Variants in SIPA1L3 observed in about 807,000 individuals in gnomAD.
SIPA1L3 encodes signal-induced proliferation-associated 1-like protein 3.
A neutral mutation model predicts 150.1 loss-of-function variants in SIPA1L3; 59 were observed. The ratio of observed to expected loss-of-function variants is 0.39; its 90% CI spans 0.32 to 0.49. The LOEUF (loss-of-function observed/expected upper bound fraction) is 0.49. Ranked by LOEUF, SIPA1L3 falls within the 20% of genes least tolerant of loss-of-function variation. SIPA1L3 has a pLI of 0.86. For missense variants in SIPA1L3, 2,211 were observed against 2,489.5 expected (o/e 0.89, Z 2.38); for synonymous variants, 1,070 against 1,077.6 (o/e 0.99, Z 0.14).
chr19:38,165,003 A>G, intron 15 of SIPA1L3, 97 bp downstream of exon 15: 1 of 884,688 alleles, frequency 1.1e-6, no homozygotes, highest in Non-Finnish European at 1.6e-6. Flanking sequence ...CCAGAAACAC[A>G]CTCACGGATG....
chr19:38,184,233 C>T (rs1417131128), intron 16 of SIPA1L3: 1 of 152,048 alleles, frequency 6.6e-6, no homozygotes, highest in African/African-American at 2.4e-5. Context: ...GGCTGGAGTA[C>T]AATGACGTGA....
chr19:38,099,337 C>CTT (rs11434268), intron 4 of SIPA1L3, among the ~76,000 whole-genome samples: 14,129 of 145,464 alleles, frequency 0.097, 2,298 homozygotes, highest in African/African-American at 0.33. Context: ...CACGCCTGGC[C>CTT]TTTTTTTTTT....
intron 1 of SIPA1L3, among the ~76,000 whole-genome samples, chr19:37,973,423 C>A (rs184182420): frequency 2.0e-5 from 3 of 149,252 alleles, no homozygotes; most frequent in Admixed American, 6.8e-5. Context: ...TTAGTAGAGA[C>A]GGGGTTTCAC....
intron 1 of SIPA1L3, among the ~76,000 whole-genome samples, chr19:37,941,087 T>TACACACACAC (rs59368800): frequency 0.017 from 2,250 of 128,624 alleles, 36 homozygotes; most frequent in Middle Eastern, 0.043. Context: ...CACACACACA[T>TACACACACAC]ACACACACAC....
rs529076983 is a variant in SIPA1L3 at position 38,058,290 on chromosome 19, A to T, written c.-310-22966A>T. 4.6e-5 allele frequency among the ~76,000 whole-genome samples: 7 copies of T among 152,178 alleles called. No homozygotes were observed. The East Asian group carries it at 1.4e-3, about 29-fold the overall frequency. On this transcript the variant is annotated intron_variant, in intron 2 of 21. Coordinates refer to ENST00000222345, the MANE Select transcript of SIPA1L3 (RefSeq NM_015073.3). ...CACATCCAGCGAGGGTCATAACTAGAGCCTTTCTAGAGCCTTCTGTGGTGC... is the reference window on the plus strand; with the variant it reads ...CACATCCAGCGAGGGTCATAACTAGTGCCTTTCTAGAGCCTTCTGTGGTGC...
At chr19:38,182,447 C>G (rs1194252280) in intron 15 of SIPA1L3, 72 bp from the exon 16 acceptor site, 2 of 1,164,478 alleles carry the variant, frequency 1.7e-6, no homozygotes, top group Non-Finnish European at 2.5e-6. Flanking sequence ...CAAGAGTAAA[C>G]TTCAATAGCT....
chr19:38,027,172 AC>A (rs1478093685), intron 1 of SIPA1L3, among the ~76,000 whole-genome samples: 1 of 152,030 alleles, frequency 6.6e-6, no homozygotes, highest in Non-Finnish European at 1.5e-5. Context: ...GTACCTGTAA[AC>A]CCAGCTACTC....
chr19:37,982,194 G>T (rs1268922740), intron 1 of SIPA1L3, among the ~76,000 whole-genome samples: 3 of 152,228 alleles, frequency 2.0e-5, no homozygotes, highest in African/African-American at 7.2e-5. Context: ...CGAGAGGCAG[G>T]CTCTGGGAAC....
chr19:38,068,546 C>G (rs1350441260), intron 2 of SIPA1L3, among the ~76,000 whole-genome samples: 1 of 152,126 alleles, frequency 6.6e-6, no homozygotes, highest in Non-Finnish European at 1.5e-5. Flanking sequence ...TTTGCCTCAT[C>G]TGTAAGATGG....
intron 1 of SIPA1L3, among the ~76,000 whole-genome samples, chr19:37,952,627 C>T (rs761991589): frequency 1.5e-4 from 23 of 152,088 alleles, no homozygotes; most frequent in Middle Eastern, 6.8e-3. Context: ...GAGCCAAGAT[C>T]GTGCCATTGC....
chr19:38,024,996 C>T (rs918823163), intron 1 of SIPA1L3, among the ~76,000 whole-genome samples: 4 of 152,186 alleles, frequency 2.6e-5, no homozygotes, highest in African/African-American at 9.7e-5. Context: ...CTCTGCCTTT[C>T]TCAGGTTTAA....
At chr19:38,144,334 G>A (rs1031762274) in intron 12 of SIPA1L3, among the ~76,000 whole-genome samples, 4 of 152,232 alleles carry the variant, frequency 2.6e-5, no homozygotes, top group African/African-American at 4.8e-5. Flanking sequence ...TACACAGTCC[G>A]ACACATGGCT....
chr19:38,073,346 C>A (rs1386002161), intron 2 of SIPA1L3, among the ~76,000 whole-genome samples: 5 of 152,184 alleles, frequency 3.3e-5, no homozygotes, highest in Admixed American at 1.3e-4. Context: ...TCCCACCAGG[C>A]CTGGAGCCGC....
At chr19:38,134,691 C>A (rs1033167772) in intron 10 of SIPA1L3, among the ~76,000 whole-genome samples, 8 of 116,782 alleles carry the variant, frequency 6.9e-5, no homozygotes, top group Admixed American at 1.2e-4. Context: ...GATGACAGAG[C>A]GAGACTCTGT....
chr19:37,918,218 C>T (rs1005999938), intron 1 of SIPA1L3, among the ~76,000 whole-genome samples: 28 of 151,718 alleles, frequency 1.8e-4, no homozygotes, highest in African/African-American at 6.5e-4. Context: ...AAGGAAAGGT[C>T]TTGGCGTGTT....
At position 38,082,323 on chromosome 19, in the gene SIPA1L3, G is replaced by A. The variant is rs775233015; in HGVS notation, c.758G>A (p.Gly253Asp). Residue 253 changes from glycine to aspartate, a missense_variant, in exon 3 of 22, where the codon GGC becomes GAC. Transcript: ENST00000222345. ...RADPGPHLMG[G>D]GGGAKGDSHN... is the part of the protein sequence containing the mutation. ...GATCCTGGCCCACACCTCATGGGGG[G>A]CGGCGGCGGAGCCAAGGGGGACTCC... is the stretch of plus-strand genomic sequence containing the variant. 1 of 1,598,690 alleles carries A rather than the reference G, an allele frequency of 6.3e-7. No individual in the cohort carries two copies. The highest frequency in any genetic ancestry group is 1.1e-5 in the South Asian group (1 of 90,920).
chr19:38,149,054 T>C (rs1182724495), intron 12 of SIPA1L3, among the ~76,000 whole-genome samples: 2 of 152,162 alleles, frequency 1.3e-5, no homozygotes, highest in African/African-American at 4.8e-5. Context: ...AGCATCCCAA[T>C]GAATGGTCAA....
intron 1 of SIPA1L3, among the ~76,000 whole-genome samples, chr19:37,952,710 T>C (rs2046775633): frequency 6.6e-6 from 1 of 152,152 alleles, no homozygotes; most frequent in African/African-American, 2.4e-5. Flanking sequence ...TAAATAATTC[T>C]CCAGAAATGA....
In SIPA1L3 at chr19:37,976,065, A is replaced by G. The variant is rs1453770729; in HGVS notation, c.-378-53024A>G. ...AATTGCAGTGAGCTGAGATTGCACC[A>G]GTGCACTCCTGCCTGGGTGACAGAG... On this transcript the variant is annotated intron_variant, in intron 1 of 21. Coordinates refer to ENST00000222345, the MANE Select transcript of SIPA1L3 (RefSeq NM_015073.3). Among the ~76,000 whole-genome samples, 3 of 149,270 alleles carry G rather than the reference A, an allele frequency of 2.0e-5. No homozygotes were observed. The South Asian group carries it at 6.4e-4, about 32-fold the overall frequency.
Sources: allele counts gnomAD v4.1 joint callset (sites outside exome capture counted in the v4.1 genomes callset), GRCh38; gene constraint gnomAD v4.1.1; transcripts MANE v1.5; gene names NCBI Gene and HGNC (gene_info 2026-07-23, HGNC 2026-07-21).